Variants in NRXN3 observed in about 807,000 individuals in gnomAD.
NRXN3 encodes the protein neurexin 3.
A neutral mutation model predicts 137.6 loss-of-function variants in NRXN3; 32 were observed. The observed-to-expected ratio is 0.23, with a 90% confidence interval of 0.18 to 0.31. The LOEUF (loss-of-function observed/expected upper bound fraction) is 0.31, where lower values mean the gene tolerates loss of function less well. Ranked by LOEUF, NRXN3 falls within the 10% of genes least tolerant of loss-of-function variation. The probability of loss-of-function intolerance (pLI) is 1.00; values close to 1 mark genes in which losing one functional copy is unlikely to be tolerated. For missense variants in NRXN3, 1,574 were observed against 2,062.5 expected (o/e 0.76, Z 4.59); for synonymous variants, 798 against 784.5 (o/e 1.02, Z -0.29).
At chr14:79,487,076 A>G (rs2096664378) in intron 16 of NRXN3, among the ~76,000 whole-genome samples, 1 of 151,874 alleles carries the variant, frequency 6.6e-6, no homozygotes, top group Non-Finnish European at 1.5e-5. Context: ...TCCTGATCCT[A>G]TCACTGAATA....
intron 4 of NRXN3, among the ~76,000 whole-genome samples, chr14:78,360,223 A>G (rs1338944584): frequency 2.0e-5 from 3 of 151,982 alleles, no homozygotes; most frequent in Non-Finnish European, 4.4e-5. Flanking sequence ...TGACTTTTCC[A>G]CCTTCTTAAA....
At chr14:79,855,560 A>C (rs2099400785) in intron 20 of NRXN3, among the ~76,000 whole-genome samples, 1 of 152,142 alleles carries the variant, frequency 6.6e-6, no homozygotes, top group Non-Finnish European at 1.5e-5. Context: ...AAATTTAATA[A>C]AATGTTATTT....
At chr14:79,823,815 G>C (rs1400908790) in intron 20 of NRXN3, 1 of 360,838 alleles carries the variant, frequency 2.8e-6, no homozygotes, top group Non-Finnish European at 6.2e-6. Flanking sequence ...GCTGCTGGAG[G>C]AATTCAAAGA....
intron 14 of NRXN3, among the ~76,000 whole-genome samples, chr14:78,976,744 C>A (rs770319538): frequency 6.6e-6 from 1 of 152,154 alleles, no homozygotes; most frequent in Non-Finnish European, 1.5e-5. Context: ...CCACATTATA[C>A]GAGAGAGGCG....
chr14:78,868,308 C>A (rs2099092565), intron 10 of NRXN3, among the ~76,000 whole-genome samples: 1 of 152,034 alleles, frequency 6.6e-6, no homozygotes. Context: ...ATTCCCACCC[C>A]AAATGCTGTG....
intron 19 of NRXN3, among the ~76,000 whole-genome samples, chr14:79,708,136 CT>C (rs869284658): frequency 1.5e-4 from 1 of 6,644 alleles, no homozygotes; most frequent in Non-Finnish European, 2.4e-4. Flanking sequence ...ATTCAACCAA[CT>C]AACTGTGAAT....
chr14:78,514,373 A>T (rs538883319), intron 4 of NRXN3, among the ~76,000 whole-genome samples: 1 of 152,280 alleles, frequency 6.6e-6, no homozygotes, highest in South Asian at 2.1e-4. Context: ...GGTCGAGGTA[A>T]AAAATGCCAT....
intron 15 of NRXN3, among the ~76,000 whole-genome samples, chr14:79,195,565 G>T (rs550886049): frequency 2.3e-4 from 35 of 152,226 alleles, no homozygotes; most frequent in African/African-American, 7.7e-4. Flanking sequence ...TTATATGATT[G>T]GTTTATGTGT....
chr14:78,958,386 T>C lies in NRXN3; in HGVS notation c.2395+1025T>C, dbSNP rs779652937. ...CTTTTTTTTTTTTTTAAGACAGTCT[T>C]GCTCTGTCGCCCAGGCTGGAGTGCA... On this transcript the variant is annotated intron_variant, in intron 11 of 20. Coordinates refer to ENST00000335750, the MANE Select transcript of NRXN3 (RefSeq NM_001330195.2). 2.6e-5 allele frequency among the ~76,000 whole-genome samples: 4 copies of C among 151,548 alleles called. No individual in the cohort carries two copies. In the East Asian group the frequency reaches 7.8e-4, roughly 29 times the overall value.
At chr14:78,853,649 G>A (rs1258509424) in intron 10 of NRXN3, among the ~76,000 whole-genome samples, 1 of 152,078 alleles carries the variant, frequency 6.6e-6, no homozygotes, top group Non-Finnish European at 1.5e-5. Flanking sequence ...ATTAGTCCAC[G>A]TTTAAGGACT....
chr14:79,210,513 A>G (rs956377945), intron 15 of NRXN3, among the ~76,000 whole-genome samples: 5 of 152,154 alleles, frequency 3.3e-5, no homozygotes, highest in African/African-American at 1.2e-4. Context: ...TTTATATCTA[A>G]TTTGAACTGC....
At chr14:79,103,476 C>A (rs901843013) in intron 15 of NRXN3, among the ~76,000 whole-genome samples, 2 of 152,058 alleles carry the variant, frequency 1.3e-5, no homozygotes, top group African/African-American at 4.8e-5. Context: ...TCGTTTTTAG[C>A]TTCTTTAAGT....
chr14:78,250,998 G>A (rs889243338), intron 2 of NRXN3, among the ~76,000 whole-genome samples: 5 of 152,072 alleles, frequency 3.3e-5, no homozygotes, highest in African/African-American at 1.2e-4. Context: ...AAATGAAAAT[G>A]AATGAATATG....
chr14:79,631,578 C>T (rs1292612586), intron 16 of NRXN3, among the ~76,000 whole-genome samples: 1 of 152,272 alleles, frequency 6.6e-6, no homozygotes, highest in East Asian at 1.9e-4. Flanking sequence ...GACGAGCTCC[C>T]TCTGGGCTGC....
chr14:79,738,115 C>T (rs1297763697), intron 19 of NRXN3, among the ~76,000 whole-genome samples: 1 of 152,114 alleles, frequency 6.6e-6, no homozygotes, highest in Admixed American at 6.5e-5. Flanking sequence ...TGCATTAGCC[C>T]ACCTGCAGTA....
At chr14:79,843,810 A>G (rs1469201064) in intron 20 of NRXN3, among the ~76,000 whole-genome samples, 1 of 152,098 alleles carries the variant, frequency 6.6e-6, no homozygotes, top group Non-Finnish European at 1.5e-5. Context: ...GGTTGCATGG[A>G]TAAGTTCTGT....
chr14:79,204,940 C>A (rs758868746), intron 15 of NRXN3, among the ~76,000 whole-genome samples: 8 of 152,138 alleles, frequency 5.3e-5, no homozygotes, highest in Admixed American at 1.3e-4. Context: ...TTCTGGCAAT[C>A]CTTTGGCAGG....
chr14:78,459,539 T>C (rs567741846), intron 4 of NRXN3, among the ~76,000 whole-genome samples: 3 of 152,244 alleles, frequency 2.0e-5, no homozygotes, highest in African/African-American at 7.2e-5. Flanking sequence ...CCAGCCCCTG[T>C]AGGACTATGT....
chr14:79,493,593 T>C (rs746701930), intron 16 of NRXN3, among the ~76,000 whole-genome samples: 7 of 152,216 alleles, frequency 4.6e-5, no homozygotes, highest in Non-Finnish European at 1.0e-4. Context: ...TTTACAAATG[T>C]AGTCTGAAAT....
Sources: gnomAD v4.1 joint callset for allele counts (sites outside exome capture counted in the v4.1 genomes callset) on GRCh38, gnomAD v4.1.1 for gene constraint, MANE v1.5 for transcripts, NCBI Gene and HGNC (gene_info 2026-07-23, HGNC 2026-07-21) for gene names.